CGGBP1: variants seen among roughly 807,000 people sequenced by gnomAD.
The protein encoded by CGGBP1 is CGG triplet repeat binding protein 1, also known as CGG triplet repeat-binding protein 1.
CGGBP1 carries 4 observed loss-of-function variants against 11.4 expected under a neutral mutation model. That is an observed-to-expected ratio of 0.35 (90% confidence interval 0.17 to 0.80). CGGBP1 has a LOEUF of 0.80. Ranked by LOEUF, CGGBP1 falls within the 30% of genes least tolerant of loss-of-function variation. CGGBP1 has a pLI of 0.52. For synonymous variants in CGGBP1, 76 were observed against 74.1 expected, an observed-to-expected ratio of 1.03 and a Z score of -0.13; for missense variants, 135 against 202.1, an observed-to-expected ratio of 0.67 and a Z score of 2.01.
chr3:88,092,813 C>A (rs1703827109), intron 2 of CGGBP1, among the ~76,000 whole-genome samples: 1 of 151,940 alleles, frequency 6.6e-6, no homozygotes, highest in African/African-American at 2.4e-5. Flanking sequence ...TATATATGTC[C>A]ACCTTAATAA....
upstream of CGGBP1, among the ~76,000 whole-genome samples, chr3:88,060,436 G>A (rs529979646): frequency 6.6e-6 from 1 of 152,244 alleles, no homozygotes; most frequent in Admixed American, 6.5e-5. Context: ...AATTTAAACG[G>A]TTTGTTCCCA....
At position 88,119,279 on chromosome 3, in the gene CGGBP1, G is replaced by A. The variant is rs879524517; in HGVS notation, c.-229+21691C>T. 2.9e-3 allele frequency among the ~76,000 whole-genome samples: 416 copies of A among 145,454 alleles called. 1 individual carries two copies. The highest frequency in any genetic ancestry group is 4.9e-3 in the Admixed American group (71 of 14,366). ...AAATCATCATTCTCAGTAAACTATC[G>A]CAAGAACAAAAAACCAAACACTGCA... On this transcript the variant is annotated intron_variant, in intron 2 of 3. Transcript: ENST00000462901.
chr3:88,062,801 G>A (rs1292362701), upstream of CGGBP1, among the ~76,000 whole-genome samples: 3 of 152,156 alleles, frequency 2.0e-5, no homozygotes, highest in Non-Finnish European at 4.4e-5. Flanking sequence ...TAAAAAGAGA[G>A]AAGAATATAA....
chr3:88,069,086 A>AT (rs1707359362), intron 2 of CGGBP1, among the ~76,000 whole-genome samples: 1 of 152,202 alleles, frequency 6.6e-6, no homozygotes, highest in Non-Finnish European at 1.5e-5. Context: ...TGTGAAACAG[A>AT]AGAAAAAAAT....
chr3:88,117,917 TTACCAGTAC>T (rs1172237618), intron 2 of CGGBP1, among the ~76,000 whole-genome samples: 1 of 149,272 alleles, frequency 6.7e-6, no homozygotes, highest in Non-Finnish European at 1.5e-5. Flanking sequence ...TGTCTGGAAC[TTACCAGTAC>T]TATTGCCCAA....
intron 2 of CGGBP1, chr3:88,113,070 C>A (rs1276143933): frequency 2.0e-5 from 26 of 1,290,614 alleles, no homozygotes; most frequent in African/African-American, 3.0e-5. Flanking sequence ...TTAATTGGAG[C>A]AAAACTCAAA....
chr3:88,065,606 T>C (rs915710340), intron 2 of CGGBP1, among the ~76,000 whole-genome samples: 4 of 152,144 alleles, frequency 2.6e-5, no homozygotes, highest in Non-Finnish European at 4.4e-5. Context: ...TATGGCTGAA[T>C]TTTATTTTTT....
Position 88,053,014 on chromosome 3 carries a change from T to TAACA in CGGBP1, c.*2458_*2459insTGTT. 6.5e-6 allele frequency: 1 copy of TAACA among 152,708 alleles called. No homozygotes were observed. The highest frequency in any genetic ancestry group is 2.4e-5 in the African/African-American group (1 of 41,568). 9.5% of individuals were successfully genotyped at this position (152,708 alleles called of 1,614,324 possible). A position where few individuals can be genotyped will look rare whatever the true frequency, so the allele number is the denominator to read the frequency against. On this transcript the variant is annotated 3_prime_UTR_variant, in exon 4 of 4. Coordinates refer to ENST00000482016, the MANE Select transcript of CGGBP1 (RefSeq NM_001008390.2). ...AAATGAAACATTACAAATCTTATGT[T>TAACA]TATGCATACAACTTATAAAATAGAA...
intron 2 of CGGBP1, among the ~76,000 whole-genome samples, chr3:88,137,579 T>G (rs776421665): frequency 6.6e-6 from 1 of 152,006 alleles, no homozygotes; most frequent in African/African-American, 2.4e-5. Flanking sequence ...AAAACAAAAT[T>G]GAAATGTTTT....
chr3:88,092,081 A>G (rs987839281), intron 2 of CGGBP1, among the ~76,000 whole-genome samples: 2 of 152,224 alleles, frequency 1.3e-5, no homozygotes, highest in African/African-American at 4.8e-5. Context: ...CTTAGAAGGA[A>G]AACTTTTTGC....
intron 2 of CGGBP1, chr3:88,138,908 G>A (rs1706961629): frequency 1.6e-6 from 2 of 1,234,986 alleles, no homozygotes; most frequent in Middle Eastern, 3.1e-4. Context: ...CTGTTGAAGA[G>A]CTTTACAAAC....
chr3:88,139,006 T>C, intron 2 of CGGBP1: 1 of 1,246,340 alleles, frequency 8.0e-7, no homozygotes, highest in Non-Finnish European at 1.0e-6. Flanking sequence ...AAGGGATTGT[T>C]TTTTGACCCT....
intron 2 of CGGBP1, chr3:88,139,001 ATTG>A: frequency 8.0e-7 from 1 of 1,245,342 alleles, no homozygotes; most frequent in Non-Finnish European, 1.0e-6. Context: ...TGAAAAAGGG[ATTG>A]TTTTTTGACC....
intron 2 of CGGBP1, among the ~76,000 whole-genome samples, chr3:88,079,597 A>T (rs1707978842): frequency 6.6e-6 from 1 of 152,174 alleles, no homozygotes; most frequent in African/African-American, 2.4e-5. Context: ...AACAGTATTC[A>T]TGTTGGTTAA....
chr3:88,142,576 T>A (rs115929950), intron 1 of CGGBP1: 9,175 of 152,392 alleles, frequency 0.06, 801 homozygotes, highest in African/African-American at 0.19. Context: ...TGATTCATAG[T>A]AAGGTCCTTT....
intron 2 of CGGBP1, among the ~76,000 whole-genome samples, chr3:88,078,481 G>A (rs1241905950): frequency 6.6e-6 from 1 of 152,110 alleles, no homozygotes; most frequent in Non-Finnish European, 1.5e-5. Flanking sequence ...AAGATTTGAA[G>A]ATACAAATAA....
At chr3:88,135,399 AATTT>A in intron 2 of CGGBP1, 1 of 379,360 alleles carries the variant, frequency 2.6e-6, no homozygotes. Context: ...TGTTACTTAA[AATTT>A]AACATGGAAG....
At chr3:88,059,559 C>T (rs866766832), upstream of CGGBP1, 142 of 1,446,528 alleles carry the variant, frequency 9.8e-5, no homozygotes, top group Middle Eastern at 2.3e-3. Context: ...GGCCTCTCTG[C>T]GTCTCCTGGT....
rs1704841421 is a variant in CGGBP1 at position 88,107,892 on chromosome 3, G to A, written c.-229+33078C>T. On this transcript the variant is annotated intron_variant, in intron 2 of 3. Coordinates refer to the CGGBP1 transcript ENST00000462901. The stretch of plus-strand genomic sequence containing the variant: ...ATATAATACCCATATTTTATATTCT[G>A]TATGATTTTAATAAAGTCTCTGTGA... 2.6e-5 allele frequency among the ~76,000 whole-genome samples: 4 copies of A among 151,932 alleles called. 1 individual carries two copies. The South Asian group carries it at 8.3e-4, about 31-fold the overall frequency.
Sources: allele counts gnomAD v4.1 joint callset (sites outside exome capture counted in the v4.1 genomes callset), GRCh38; gene constraint gnomAD v4.1.1; transcripts MANE v1.5; gene names NCBI Gene and HGNC (gene_info 2026-07-23, HGNC 2026-07-21).